HERC2: variants seen among roughly 807,000 people sequenced by gnomAD.
HERC2 encodes HECT and RLD domain containing E3 ubiquitin protein ligase 2.
Under a neutral mutation model 537.7 loss-of-function variants are expected in HERC2, and 102 were observed. The ratio of observed to expected loss-of-function variants is 0.19; its 90% CI spans 0.16 to 0.22. The LOEUF (loss-of-function observed/expected upper bound fraction) is 0.22, where lower values mean the gene tolerates loss of function less well. Among genes scored for constraint, HERC2 ranks in the 10% least tolerant of loss-of-function variants. The probability of loss-of-function intolerance (pLI) is 1.00; values close to 1 mark genes in which losing one functional copy is unlikely to be tolerated. For missense variants in HERC2, 4,236 were observed against 6,198.2 expected, an observed-to-expected ratio of 0.68 and a Z score of 10.63; for synonymous variants, 2,224 against 2,466.2, an observed-to-expected ratio of 0.90 and a Z score of 2.91.
At chr15:28,295,511 T>C (rs904270990) in intron 3 of HERC2, among the ~76,000 whole-genome samples, 4 of 152,182 alleles carry the variant, frequency 2.6e-5, no homozygotes, top group African/African-American at 7.2e-5. Flanking sequence ...GTGATTCTCG[T>C]GCCTCAGCCC....
At chr15:28,134,471 C>A (rs534589936) in intron 79 of HERC2, among the ~76,000 whole-genome samples, 2 of 152,074 alleles carry the variant, frequency 1.3e-5, no homozygotes, top group Non-Finnish European at 2.9e-5. Context: ...ACTGCTGTAC[C>A]GCACTTACTA....
At position 28,274,971 on chromosome 15, in the gene HERC2, C is replaced by T. The variant is rs1196072183; in HGVS notation, c.577G>A (p.Ala193Thr). The T allele has an allele frequency of 2.5e-6, 4 of 1,608,856 alleles. No individual in the cohort carries two copies. The highest frequency in any genetic ancestry group is 1.3e-5 in the African/African-American group (1 of 75,054). Residue 193 changes from alanine to threonine, a missense_variant, in exon 6 of 93, where the codon GCC (alanine) becomes ACC (threonine). Coordinates refer to ENST00000261609, the MANE Select transcript of HERC2 (RefSeq NM_004667.6). ...RPAGKGVEGLARVGSRAALSF... is the reference protein window; with the variant it reads ...RPAGKGVEGLTRVGSRAALSF... ...AGCGCCGCTCGGGATCCCACTCTGG[C>T]GAGCCCCTCCACACCTTTGCCCGCA...
chr15:28,164,715 T>C (rs1452717846), intron 68 of HERC2, among the ~76,000 whole-genome samples: 1 of 152,124 alleles, frequency 6.6e-6, no homozygotes, highest in African/African-American at 2.4e-5. Context: ...ACTGAAATAA[T>C]AGAAATACAG....
chr15:28,142,514 G>A (rs945720421), intron 75 of HERC2, 121 bp from the exon 76 acceptor site: 1 of 982,482 alleles, frequency 1.0e-6, no homozygotes, highest in Non-Finnish European at 1.5e-6. Flanking sequence ...GCACAGCAAG[G>A]ATACGGCCAC....
intron 2 of HERC2, among the ~76,000 whole-genome samples, chr15:28,305,341 T>C (rs1460082667): frequency 1.3e-5 from 2 of 152,040 alleles, no homozygotes; most frequent in Non-Finnish European, 2.9e-5. Context: ...TATAGATCAA[T>C]GGAACAGAAC....
At position 28,202,383 on chromosome 15, in the gene HERC2, G is replaced by C; in HGVS notation, c.7444C>G (p.Leu2482Val). ...GATGCATTCCCGGAAGCACCAGTGA[G>C]AGACTTCAGGGCAAACTCGATGTTC... ...RRNIEFALKSLTGASGNASSL... is the reference protein window; with the variant it reads ...RRNIEFALKSVTGASGNASSL... The change falls in exon 46 of 93, where the codon CTC (leucine) becomes GTC (valine). Residue 2482 changes from leucine to valine, a missense_variant. Around this residue, in one of 27 missense-constraint regions of HERC2, gnomAD observed 606 missense variants for 884.5 expected, o/e 0.69. Coordinates refer to ENST00000261609, the MANE Select transcript of HERC2 (RefSeq NM_004667.6). 1.2e-6 allele frequency: 2 copies of C among 1,613,808 alleles called. No homozygotes were observed. The highest frequency in any genetic ancestry group is 1.7e-6 in the Non-Finnish European group (2 of 1,179,788).
chr15:28,113,366 C>T lies in HERC2; in HGVS notation c.14020-83G>A. On this transcript the variant is annotated intron_variant, in intron 91 of 92. Transcript: ENST00000261609. The surrounding 1 kb of genome is among the most constrained non-coding windows in gnomAD (Gnocchi z 7.0). ...GACTCCGTCACGCTCCCTCTCTACACCAAGGCCTGTTTGGGGTGGGGAAAG... is the reference window on the plus strand; with the variant it reads ...GACTCCGTCACGCTCCCTCTCTACATCAAGGCCTGTTTGGGGTGGGGAAAG... 25 of 1,423,844 alleles carry T rather than the reference C, an allele frequency of 1.8e-5. No homozygotes were observed. The highest frequency in any genetic ancestry group is 2.1e-5 in the Non-Finnish European group (21 of 1,022,498). 88.2% of individuals were successfully genotyped at this position (1,423,844 alleles called of 1,614,324 possible). A position where few individuals can be genotyped will look rare whatever the true frequency, so the allele number is the denominator to read the frequency against.
chr15:28,300,020 T>C (rs1258224352), intron 2 of HERC2, among the ~76,000 whole-genome samples: 1 of 140,746 alleles, frequency 7.1e-6, no homozygotes, highest in Non-Finnish European at 1.5e-5. Context: ...ACCACTGCAC[T>C]CAGCCTGAGT....
At chr15:28,199,989 A>T (rs1178135492) in intron 48 of HERC2, among the ~76,000 whole-genome samples, 1 of 152,176 alleles carries the variant, frequency 6.6e-6, no homozygotes, top group Non-Finnish European at 1.5e-5. Flanking sequence ...AAATTCATGA[A>T]GTCCCAACTC....
intron 49 of HERC2, 21 bp from the exon 50 acceptor site, chr15:28,198,524 T>A (rs1897576272): frequency 6.2e-7 from 1 of 1,611,396 alleles, no homozygotes; most frequent in Non-Finnish European, 8.5e-7. Context: ...CAATAACAAA[T>A]CATTATAATC....
intron 83 of HERC2, among the ~76,000 whole-genome samples, chr15:28,126,339 C>T (rs1889481451): frequency 6.6e-6 from 1 of 152,148 alleles, no homozygotes; most frequent in African/African-American, 2.4e-5. Context: ...CCTCAAAGAA[C>T]TAAAAGTAGA....
intron 2 of HERC2, among the ~76,000 whole-genome samples, chr15:28,316,222 CA>C (rs869089875): frequency 0.049 from 2,464 of 50,278 alleles, 9 homozygotes; most frequent in African/African-American, 0.099. Context: ...GACTCTGTCT[CA>C]AAAAAAAAAA....
intron 36 of HERC2, among the ~76,000 whole-genome samples, chr15:28,221,484 A>G (rs1423280614): frequency 6.8e-6 from 1 of 147,862 alleles, no homozygotes; most frequent in African/African-American, 2.5e-5. Context: ...AGCCAGACAG[A>G]CCATGGGAAG....
chr15:28,199,038 T>C (rs768961240), intron 48 of HERC2, among the ~76,000 whole-genome samples: 2 of 151,766 alleles, frequency 1.3e-5, no homozygotes, highest in Non-Finnish European at 1.5e-5. Context: ...TCCCAGCTAC[T>C]CGGGAGACTG....
chr15:28,315,125 A>T lies in HERC2; in HGVS notation c.72+6237T>A, dbSNP rs547864830. ...TTCAGCCAGCACATTCACTAGGCAC[A>T]TGTGGCTTTTCCAGAAGGTCTGCAA... On this transcript the variant is annotated intron_variant, in intron 2 of 92. Transcript: ENST00000261609. Among the ~76,000 whole-genome samples, 81 of 152,360 alleles carry T rather than the reference A, an allele frequency of 5.3e-4. 1 individual carries two copies. In the South Asian group the frequency reaches 7.2e-3, roughly 14 times the overall value.
intron 83 of HERC2, among the ~76,000 whole-genome samples, chr15:28,128,255 C>T (rs1218099071): frequency 6.6e-6 from 1 of 152,176 alleles, no homozygotes; most frequent in Non-Finnish European, 1.5e-5. Flanking sequence ...AGGCAATGTG[C>T]TGCAAATGGG....
chr15:28,170,741 A>G (rs1201543180), intron 65 of HERC2, among the ~76,000 whole-genome samples: 1 of 152,146 alleles, frequency 6.6e-6, no homozygotes, highest in African/African-American at 2.4e-5. Context: ...AAATATCTGC[A>G]TAACACACAT....
At chr15:28,155,080 AC>A (rs1180184649) in intron 69 of HERC2, among the ~76,000 whole-genome samples, 1 of 149,992 alleles carries the variant, frequency 6.7e-6, no homozygotes, top group African/African-American at 2.4e-5. Context: ...CCATATCCCT[AC>A]AAAGCACATG....
chr15:28,279,860 G>A (rs1256982359), intron 5 of HERC2, among the ~76,000 whole-genome samples: 1 of 152,024 alleles, frequency 6.6e-6, no homozygotes, highest in Non-Finnish European at 1.5e-5. Context: ...TAAAATAATG[G>A]CACAGATTAC....
Sources: allele counts gnomAD v4.1 joint callset (sites outside exome capture counted in the v4.1 genomes callset), GRCh38; gene constraint gnomAD v4.1.1; regional missense constraint gnomAD v4.1.1; non-coding constraint Gnocchi (gnomAD v3.1); transcripts MANE v1.5; gene names NCBI Gene and HGNC (gene_info 2026-07-23, HGNC 2026-07-21).